KLHDC10: variants seen among roughly 807,000 people sequenced by gnomAD.
KLHDC10 encodes kelch domain-containing protein 10.
A neutral mutation model predicts 56.1 loss-of-function variants in KLHDC10; 24 were observed. The observed-to-expected ratio is 0.43, with a 90% confidence interval of 0.31 to 0.60. The LOEUF (loss-of-function observed/expected upper bound fraction) is 0.60. Ranked by LOEUF, KLHDC10 falls within the 20% of genes least tolerant of loss-of-function variation. The pLI, the probability that KLHDC10 is intolerant of heterozygous loss-of-function variation, is 0.11. For missense variants in KLHDC10, 349 were observed against 567.0 expected, an observed-to-expected ratio of 0.62 and a Z score of 3.91; for synonymous variants, 188 against 207.1, an observed-to-expected ratio of 0.91 and a Z score of 0.79.
chr7:130,093,683 G>A (rs1468122664), intron 1 of KLHDC10, among the ~76,000 whole-genome samples: 2 of 152,176 alleles, frequency 1.3e-5, no homozygotes, highest in African/African-American at 2.4e-5. Context: ...AAGTACATTT[G>A]TGTTGGCGTC....
intron 1 of KLHDC10, among the ~76,000 whole-genome samples, chr7:130,077,353 C>CAAAAAAAA (rs35132418): frequency 1.1e-4 from 2 of 17,900 alleles, no homozygotes; most frequent in African/African-American, 2.5e-4. Flanking sequence ...GACTCTGTCT[C>CAAAAAAAA]AAAAAAAAAA....
At chr7:130,101,661 C>T (rs1490427036) in intron 2 of KLHDC10, among the ~76,000 whole-genome samples, 1 of 151,992 alleles carries the variant, frequency 6.6e-6, no homozygotes, top group Non-Finnish European at 1.5e-5. Context: ...GCAGGCATTG[C>T]GAGCATCGAT....
chr7:130,110,192 T>C (rs908071405), intron 2 of KLHDC10, among the ~76,000 whole-genome samples: 1 of 152,232 alleles, frequency 6.6e-6, no homozygotes, highest in Non-Finnish European at 1.5e-5. Context: ...GATCATCTCA[T>C]TGCACATGAT....
At position 130,126,640 on chromosome 7, in the gene KLHDC10, C is replaced by T. The variant is rs745995966; in HGVS notation, c.931+709C>T. On this transcript the variant is annotated intron_variant, in intron 7 of 9. Coordinates refer to ENST00000335420, the MANE Select transcript of KLHDC10 (RefSeq NM_014997.4). ...GCAGTGAGCCAAGATCACGCCACGG[C>T]ACTCCAACCTGGGAGACAGAGCAAG... Among the ~76,000 whole-genome samples the T allele has an allele frequency of 4.5e-4, 69 of 152,096 alleles. 1 individual carries two copies. Among genetic ancestry groups the T allele is most frequent in the Non-Finnish European group, 5.6e-4 (38 of 67,994 alleles).
At chr7:130,114,898 C>T (rs1042086998) in intron 2 of KLHDC10, among the ~76,000 whole-genome samples, 2 of 151,840 alleles carry the variant, frequency 1.3e-5, no homozygotes, top group African/African-American at 2.4e-5. Flanking sequence ...GAGAAACTGA[C>T]AGTAGGACAA....
At chr7:130,085,992 A>G (rs1795684853) in intron 1 of KLHDC10, among the ~76,000 whole-genome samples, 2 of 152,116 alleles carry the variant, frequency 1.3e-5, no homozygotes, top group East Asian at 1.9e-4. Context: ...ACATTGGAAA[A>G]TATATTAAGA....
chr7:130,073,230 CA>C (rs1222851771), intron 1 of KLHDC10, among the ~76,000 whole-genome samples: 3 of 151,322 alleles, frequency 2.0e-5, no homozygotes, highest in Non-Finnish European at 1.5e-5. Context: ...ACAACAACAA[CA>C]ACAACAAAAA....
chr7:130,076,228 C>T (rs1795500984), intron 1 of KLHDC10, among the ~76,000 whole-genome samples: 1 of 152,058 alleles, frequency 6.6e-6, no homozygotes, highest in Non-Finnish European at 1.5e-5. Flanking sequence ...GGCGGGAATG[C>T]TCACTCGCCC....
intron 2 of KLHDC10, among the ~76,000 whole-genome samples, chr7:130,114,723 CTAATA>C (rs1473612607): frequency 1.3e-5 from 2 of 151,984 alleles, no homozygotes; most frequent in African/African-American, 4.8e-5. Flanking sequence ...CATGTATACA[CTAATA>C]TATGAGTAGT....
rs1796256302 is a variant in KLHDC10 at position 130,122,189 on chromosome 7, C to T, written c.766C>T (p.Leu256=). The T allele has an allele frequency of 6.2e-7, 1 of 1,613,634 alleles. No individual in the cohort carries two copies. The highest frequency in any genetic ancestry group is 1.7e-5 in the Admixed American group (1 of 59,958). The change falls in exon 5 of 10, where the codon CTA becomes TTA. Residue 256 remains leucine, a synonymous_variant. Coordinates refer to ENST00000335420, the MANE Select transcript of KLHDC10 (RefSeq NM_014997.4). Reference sequence around the variant, plus strand: ...GAAACCAAACAACCTATCCTGTGATCTACCAGAAGAGAGGTGAGGTTCTAG... The same window carrying T: ...GAAACCAAACAACCTATCCTGTGATTTACCAGAAGAGAGGTGAGGTTCTAG... The part of the protein sequence containing the change: ...QLKPNNLSCD[L]PEERYRHEIA...
chr7:130,072,056 T>C (rs935190526), intron 1 of KLHDC10, among the ~76,000 whole-genome samples: 3 of 152,154 alleles, frequency 2.0e-5, no homozygotes, highest in African/African-American at 7.2e-5. Context: ...GACGTTAATA[T>C]CAGACTGGGC....
intron 1 of KLHDC10, among the ~76,000 whole-genome samples, chr7:130,072,400 G>C (rs1795429300): frequency 6.6e-6 from 1 of 151,890 alleles, no homozygotes; most frequent in African/African-American, 2.4e-5. Context: ...CATTCCCTTA[G>C]CACACAAGAC....
chr7:130,081,731 C>T (rs966576433), intron 1 of KLHDC10, among the ~76,000 whole-genome samples: 2 of 152,130 alleles, frequency 1.3e-5, no homozygotes, highest in Non-Finnish European at 2.9e-5. Context: ...TATGTTTTGC[C>T]TGCCTTTCTC....
chr7:130,125,775 A>T, intron 6 of KLHDC10, 90 bp from the exon 7 acceptor site: 7 of 1,039,644 alleles, frequency 6.7e-6, no homozygotes, highest in Admixed American at 5.6e-5. Context: ...TGCTTTAAAA[A>T]ACAAAGTCTA....
At chr7:130,083,771 A>G (rs778175125) in intron 1 of KLHDC10, among the ~76,000 whole-genome samples, 1 of 152,144 alleles carries the variant, frequency 6.6e-6, no homozygotes, top group Non-Finnish European at 1.5e-5. Context: ...CCCACAAATG[A>G]CTTATGTGTG....
At chr7:130,100,568 TTC>T (rs962220062) in intron 2 of KLHDC10, among the ~76,000 whole-genome samples, 1 of 152,264 alleles carries the variant, frequency 6.6e-6, no homozygotes, top group African/African-American at 2.4e-5. Context: ...TGTTCTCAAC[TTC>T]TCTCTGGTAT....
intron 3 of KLHDC10, among the ~76,000 whole-genome samples, chr7:130,117,899 T>A (rs1423351434): frequency 2.1e-5 from 3 of 142,080 alleles, no homozygotes; most frequent in Admixed American, 7.2e-5. Context: ...GCATGGTGGC[T>A]CACACCTGTA....
At chr7:130,108,456 A>G (rs759466422) in intron 2 of KLHDC10, among the ~76,000 whole-genome samples, 10 of 151,450 alleles carry the variant, frequency 6.6e-5, no homozygotes, top group Non-Finnish European at 1.0e-4. Context: ...TAATCCCAGC[A>G]CTGTGGGAGG....
Position 130,122,674 on chromosome 7 carries a change from C to T in KLHDC10, c.779+472C>T, listed in dbSNP as rs148601993. Among the ~76,000 whole-genome samples, 832 of 152,278 alleles carry T rather than the reference C, an allele frequency of 5.5e-3. 3 individuals are homozygous for T. Among genetic ancestry groups the T allele is most frequent in the Non-Finnish European group, 7.2e-3 (487 of 68,026 alleles). Reference sequence around the variant, plus strand: ...AAGGCATTCTCCCATCTCAGCCCTCCGCCCAAGTAGCTGGGAATACAGGCA... The same window carrying T: ...AAGGCATTCTCCCATCTCAGCCCTCTGCCCAAGTAGCTGGGAATACAGGCA... On this transcript the variant is annotated intron_variant, in intron 5 of 9. Transcript: ENST00000335420.
Sources: gnomAD v4.1 joint callset for allele counts (sites outside exome capture counted in the v4.1 genomes callset) on GRCh38, gnomAD v4.1.1 for gene constraint, MANE v1.5 for transcripts, NCBI Gene and HGNC (gene_info 2026-07-23, HGNC 2026-07-21) for gene names.